The following RNF32 variants were observed in gnomAD, a reference collection of about 807,000 sequenced individuals.
RNF32 encodes ring finger protein 32.
RNF32 carries 36 observed loss-of-function variants against 41.0 expected under a neutral mutation model. The observed-to-expected ratio is 0.88, with a 90% CI of 0.67 to 1.16. The LOEUF is 1.16. Among genes scored for constraint, RNF32 ranks in the 50% most tolerant of loss-of-function variants. The pLI is 0.00. For missense variants in RNF32, 413 were observed against 436.7 expected, an observed-to-expected ratio of 0.95 and a Z score of 0.48; for synonymous variants, 154 against 160.9, an observed-to-expected ratio of 0.96 and a Z score of 0.32.
At chr7:156,646,585 C>T in intron 3 of RNF32, 3 of 1,040,680 alleles carry the variant, frequency 2.9e-6, no homozygotes, top group Non-Finnish European at 3.9e-6. Flanking sequence ...TGAGATGACA[C>T]AATTCAACCC....
At chr7:156,649,901 A>G (rs969556347) in intron 3 of RNF32, among the ~76,000 whole-genome samples, 2 of 152,200 alleles carry the variant, frequency 1.3e-5, no homozygotes, top group African/African-American at 4.8e-5. Flanking sequence ...AAAGCCATAT[A>G]AGCTTCACCA....
intron 7 of RNF32, among the ~76,000 whole-genome samples, chr7:156,668,429 G>A (rs927253742): frequency 1.3e-5 from 2 of 152,228 alleles, no homozygotes; most frequent in Non-Finnish European, 2.9e-5. Flanking sequence ...CATGGGGAGT[G>A]ACCTGGGAGA....
chr7:156,652,715 T>C (rs999790874), intron 3 of RNF32, among the ~76,000 whole-genome samples: 1 of 151,792 alleles, frequency 6.6e-6, no homozygotes. Context: ...ATTTGAGAAA[T>C]AGAAAAAGCT....
chr7:156,667,870 T>C (rs1801594473), intron 7 of RNF32, among the ~76,000 whole-genome samples: 1 of 152,228 alleles, frequency 6.6e-6, no homozygotes, highest in Non-Finnish European at 1.5e-5. Context: ...ACTTTCAGTA[T>C]ATTTATTAAT....
chr7:156,641,631 A>G (rs1265682272), intron 1 of RNF32, among the ~76,000 whole-genome samples: 1 of 152,222 alleles, frequency 6.6e-6, no homozygotes, highest in Non-Finnish European at 1.5e-5. Context: ...ATAGGTTTTA[A>G]AAGCTCTTAC....
Position 156,676,686 on chromosome 7 carries a change from G to C in RNF32, c.*31G>C, listed in dbSNP as rs765014092. Reference sequence around the variant, plus strand: ...TAGTCAAGGAAAGTTAGGTAATTCTGAGGAAAAAAGTTTACCATCATTTTG... The same window carrying C: ...TAGTCAAGGAAAGTTAGGTAATTCTCAGGAAAAAAGTTTACCATCATTTTG... On this transcript the variant is annotated 3_prime_UTR_variant, in exon 9 of 9. Coordinates refer to ENST00000317955, the MANE Select transcript of RNF32 (RefSeq NM_030936.4). 1.3e-6 allele frequency: 2 copies of C among 1,561,098 alleles called. No homozygotes were observed. Among genetic ancestry groups the C allele is most frequent in the Non-Finnish European group, 1.8e-6 (2 of 1,135,474 alleles).
At chr7:156,659,502 C>T in intron 7 of RNF32, 1 of 985,296 alleles carries the variant, frequency 1.0e-6, no homozygotes, top group Non-Finnish European at 1.2e-6. Flanking sequence ...CAGTTGTGTT[C>T]TCTGGGCTAC....
chr7:156,652,396 A>C (rs774816980), intron 3 of RNF32, among the ~76,000 whole-genome samples: 17 of 152,160 alleles, frequency 1.1e-4, no homozygotes, highest in African/African-American at 3.4e-4. Flanking sequence ...TTTCTTTAAA[A>C]TTTTTACTCC....
chr7:156,658,613 G>A (rs367638864), intron 7 of RNF32, 43 bp downstream of exon 7: 171 of 1,334,704 alleles, frequency 1.3e-4, no homozygotes, highest in South Asian at 1.5e-4. Context: ...GTCTCCGTGC[G>A]GGTGGTTCAC....
chr7:156,643,978 T>C, intron 2 of RNF32, 86 bp downstream of exon 2: 2 of 1,202,072 alleles, frequency 1.7e-6, no homozygotes, highest in Non-Finnish European at 2.5e-6. Context: ...AAAAACTAGT[T>C]TGCAAACCCT....
chr7:156,665,674 ACT>A (rs1175850307), intron 7 of RNF32, among the ~76,000 whole-genome samples: 5 of 151,852 alleles, frequency 3.3e-5, no homozygotes, highest in African/African-American at 4.8e-5. Flanking sequence ...AGCTCCCCTG[ACT>A]CTCTGTCAGT....
In RNF32 at chr7:156,674,518, G is replaced by A. The variant is rs116108474; in HGVS notation, c.685-1178G>A. Reference sequence around the variant, plus strand: ...AGGAGCCGCTGGTGTGGCCCTGAATGAGCCACCTACCCGTGCCTCAGATGA... The same window carrying A: ...AGGAGCCGCTGGTGTGGCCCTGAATAAGCCACCTACCCGTGCCTCAGATGA... On this transcript the variant is annotated intron_variant, in intron 7 of 8. Coordinates refer to ENST00000317955, the MANE Select transcript of RNF32 (RefSeq NM_030936.4). Among the ~76,000 whole-genome samples, 1,044 of 152,264 alleles carry A rather than the reference G, an allele frequency of 6.9e-3. 11 individuals carry two copies. Among genetic ancestry groups the A allele is most frequent in the African/African-American group, 0.023 (968 of 41,534 alleles).
At chr7:156,664,244 G>C (rs868582658) in intron 7 of RNF32, among the ~76,000 whole-genome samples, 7 of 151,968 alleles carry the variant, frequency 4.6e-5, no homozygotes, top group South Asian at 2.1e-4. Flanking sequence ...GGGGCATCAC[G>C]TGAGGTCGGG....
At chr7:156,650,667 T>C (rs112367624) in intron 3 of RNF32, among the ~76,000 whole-genome samples, 2,823 of 152,284 alleles carry the variant, frequency 0.019, 89 homozygotes, top group African/African-American at 0.065. Context: ...ACATTGACCA[T>C]AGCAGAGTCT....
chr7:156,669,018 A>C lies in RNF32; in HGVS notation c.685-6678A>C, dbSNP rs1801847433. On this transcript the variant is annotated intron_variant, in intron 7 of 8. Coordinates refer to ENST00000317955, the MANE Select transcript of RNF32 (RefSeq NM_030936.4). The surrounding 1 kb of genome is among the most constrained non-coding windows in gnomAD (Gnocchi z 4.2). Reference sequence around the variant, plus strand: ...GTATGAATTGTTAATAAGTGTAAAAATGATATTTGGTTACATAGGGTAAGT... The same window carrying C: ...GTATGAATTGTTAATAAGTGTAAAACTGATATTTGGTTACATAGGGTAAGT... The C allele has an allele frequency of 6.6e-6, 1 of 152,258 alleles. No individual in the cohort carries two copies. Among genetic ancestry groups the C allele is most frequent in the Non-Finnish European group, 1.5e-5 (1 of 68,046 alleles). 9.4% of individuals were successfully genotyped at this position (152,258 alleles called of 1,614,324 possible).
intron 3 of RNF32, chr7:156,646,318 G>C: frequency 1.2e-6 from 1 of 857,752 alleles, no homozygotes; most frequent in Non-Finnish European, 1.7e-6. Flanking sequence ...TTCTACAGAA[G>C]AATCCTAACT....
At chr7:156,659,387 T>C in intron 7 of RNF32, 1 of 986,038 alleles carries the variant, frequency 1.0e-6, no homozygotes, top group Non-Finnish European at 1.2e-6. Context: ...TCAGAGATCA[T>C]TCGTCTCGGG....
At chr7:156,660,073 T>C (rs2131527116) in intron 7 of RNF32, 5 of 985,924 alleles carry the variant, frequency 5.1e-6, no homozygotes, top group Non-Finnish European at 6.0e-6. Flanking sequence ...TGTTTTATCC[T>C]TGGTTCATCC....
At chr7:156,651,751 TTCTG>T (rs1187775010) in intron 3 of RNF32, among the ~76,000 whole-genome samples, 1 of 152,216 alleles carries the variant, frequency 6.6e-6, no homozygotes, top group Non-Finnish European at 1.5e-5. Context: ...CTACCTGAAG[TTCTG>T]TCTCATTTTT....
Sources: gnomAD v4.1 joint callset for allele counts (sites outside exome capture counted in the v4.1 genomes callset) on GRCh38, gnomAD v4.1.1 for gene constraint, Gnocchi (gnomAD v3.1) non-coding constraint, MANE v1.5 for transcripts, NCBI Gene and HGNC (gene_info 2026-07-23, HGNC 2026-07-21) for gene names.